Variants in NDFIP1 observed in about 807,000 individuals in gnomAD.
NDFIP1 encodes the protein Nedd4 family interacting protein 1.
In NDFIP1, 7 loss-of-function variants were observed where a neutral mutation model predicts 28.8. The ratio of observed to expected loss-of-function variants is 0.24; its 90% CI spans 0.14 to 0.46. The LOEUF is 0.46. Among genes scored for constraint, NDFIP1 ranks in the 20% least tolerant of loss-of-function variants. NDFIP1 has a pLI of 0.99. For missense variants in NDFIP1, 194 were observed against 269.1 expected (o/e 0.72, Z 1.95); for synonymous variants, 92 against 101.0 (o/e 0.91, Z 0.53).
At chr5:142,111,708 G>C (rs898640370) in intron 1 of NDFIP1, among the ~76,000 whole-genome samples, 4 of 152,126 alleles carry the variant, frequency 2.6e-5, no homozygotes, top group African/African-American at 9.7e-5. Flanking sequence ...TTGTCTTTAT[G>C]GTCTTTTTAT....
At position 142,117,728 on chromosome 5, in the gene NDFIP1, C is replaced by CTTTT. The variant is rs10699168; in HGVS notation, c.63+8706_63+8709dup. Among the ~76,000 whole-genome samples the CTTTT allele has an allele frequency of 3.2e-3, 368 of 116,048 alleles. 15 individuals are homozygous for CTTTT. Among genetic ancestry groups the CTTTT allele is most frequent in the African/African-American group, 8.0e-3 (236 of 29,668 alleles). 76.1% of individuals were successfully genotyped at this position (116,048 alleles called of 152,430 possible). A position where few individuals can be genotyped will look rare whatever the true frequency, so the allele number is the denominator to read the frequency against. On this transcript the variant is annotated intron_variant, in intron 1 of 7. Coordinates refer to ENST00000253814, the MANE Select transcript of NDFIP1 (RefSeq NM_030571.4). ...TCAAGTTTGGTGTGTGTTCTACAGG[C>CTTTT]TTTTTTTTTTTTTTTTTTGAGACAG...
intron 1 of NDFIP1, among the ~76,000 whole-genome samples, chr5:142,118,537 T>C (rs918591183): frequency 6.6e-6 from 1 of 152,190 alleles, no homozygotes; most frequent in Admixed American, 6.5e-5. Context: ...ATTGTTGACA[T>C]TGACCTTGAT....
chr5:142,132,257 C>T lies in NDFIP1; in HGVS notation c.197C>T (p.Ser66Phe), dbSNP rs772080983. Reference protein sequence around the residue: ...KDESGFPKPPSYNVATTLPSY... With the variant: ...KDESGFPKPPFYNVATTLPSY... ...GAGTCTGGGTTTCCAAAGCCCCCATCTTACAATGTAGCTACAACACTGCCC... is the reference window on the plus strand; with the variant it reads ...GAGTCTGGGTTTCCAAAGCCCCCATTTTACAATGTAGCTACAACACTGCCC... The change falls in exon 3 of 8, where the codon TCT (serine) becomes TTT (phenylalanine). Residue 66 changes from serine (S) to phenylalanine (F), a missense_variant. By Grantham distance (155) the Ser-to-Phe change is radical. Coordinates refer to ENST00000253814, the MANE Select transcript of NDFIP1 (RefSeq NM_030571.4). 6.2e-7 allele frequency: 1 copy of T among 1,614,132 alleles called. No individual in the cohort carries two copies. The highest frequency in any genetic ancestry group is 8.5e-7 in the Non-Finnish European group (1 of 1,180,012).
intron 3 of NDFIP1, among the ~76,000 whole-genome samples, chr5:142,133,798 C>T (rs780220807): frequency 2.0e-5 from 3 of 152,124 alleles, no homozygotes; most frequent in Non-Finnish European, 4.4e-5. Flanking sequence ...GGCAGTGTTC[C>T]TCATTGTTAT....
chr5:142,142,930 A>ATATATATAT (rs1449865563), intron 6 of NDFIP1: 3 of 75,344 alleles, frequency 4.0e-5, no homozygotes, highest in African/African-American at 1.2e-4. Flanking sequence ...AAAAAAAAAA[A>ATATATATAT]AAAAAAAAAA....
chr5:142,108,950 C>T lies in NDFIP1; in HGVS notation c.-25C>T, dbSNP rs1309050245. 3 of 1,431,904 alleles carry T rather than the reference C, an allele frequency of 2.1e-6. No individual in the cohort carries two copies. Among genetic ancestry groups the T allele is most frequent in the African/African-American group, 1.5e-5 (1 of 67,208 alleles). The allele number at this position is 1,431,904 out of a possible 1,614,324, so 88.7% of individuals were successfully genotyped here. A position where few individuals can be genotyped will look rare whatever the true frequency, so the allele number is the denominator to read the frequency against. ...CCTTCAGCTAGCTCGCTCGCTCGCTCTGCTTCCCTGCTGCCGGCTGCGCCA... is the reference window on the plus strand; with the variant it reads ...CCTTCAGCTAGCTCGCTCGCTCGCTTTGCTTCCCTGCTGCCGGCTGCGCCA... On this transcript the variant is annotated 5_prime_UTR_variant, in exon 1 of 8. Coordinates refer to ENST00000253814, the MANE Select transcript of NDFIP1 (RefSeq NM_030571.4).
intron 7 of NDFIP1, among the ~76,000 whole-genome samples, chr5:142,150,863 A>G (rs948839820): frequency 6.6e-6 from 1 of 152,232 alleles, no homozygotes; most frequent in African/African-American, 2.4e-5. Flanking sequence ...GAGTACCACA[A>G]AATAGTTTCT....
intron 1 of NDFIP1, among the ~76,000 whole-genome samples, chr5:142,114,530 C>T (rs1014357370): frequency 6.6e-6 from 1 of 152,146 alleles, no homozygotes; most frequent in Non-Finnish European, 1.5e-5. Flanking sequence ...TGTACCATCA[C>T]CCAGCTTCAG....
intron 1 of NDFIP1, among the ~76,000 whole-genome samples, chr5:142,123,377 T>G (rs893990698): frequency 6.6e-6 from 1 of 152,206 alleles, no homozygotes; most frequent in Non-Finnish European, 1.5e-5. Flanking sequence ...CAAGCAGTCC[T>G]TCCACCTCAG....
chr5:142,124,907 G>A (rs1403755767), intron 1 of NDFIP1, among the ~76,000 whole-genome samples: 1 of 151,804 alleles, frequency 6.6e-6, no homozygotes, highest in Non-Finnish European at 1.5e-5. Context: ...CTCACTGCAA[G>A]CTCCACCTCC....
At chr5:142,139,437 G>A (rs906198413) in intron 5 of NDFIP1, among the ~76,000 whole-genome samples, 1 of 151,952 alleles carries the variant, frequency 6.6e-6, no homozygotes, top group Non-Finnish European at 1.5e-5. Context: ...CAGCATATTG[G>A]CACAGGTCCC....
At chr5:142,144,190 T>C (rs1046899019) in intron 6 of NDFIP1, 1 of 130,410 alleles carries the variant, frequency 7.7e-6, no homozygotes, top group African/African-American at 2.6e-5. Flanking sequence ...TTATAACCTC[T>C]TTTTGTTGTT....
At chr5:142,142,817 A>G (rs1429895163) in intron 6 of NDFIP1, among the ~76,000 whole-genome samples, 1 of 149,410 alleles carries the variant, frequency 6.7e-6, no homozygotes, top group Non-Finnish European at 1.5e-5. Flanking sequence ...GATCCCAGCT[A>G]CTTGGGAGGA....
At chr5:142,129,780 C>T (rs1757207107) in intron 1 of NDFIP1, among the ~76,000 whole-genome samples, 1 of 151,930 alleles carries the variant, frequency 6.6e-6, no homozygotes, top group African/African-American at 2.4e-5. Context: ...GGTCTGGTGG[C>T]ATACGCCTGT....
At chr5:142,150,976 T>G (rs995945127) in intron 7 of NDFIP1, among the ~76,000 whole-genome samples, 5 of 152,228 alleles carry the variant, frequency 3.3e-5, no homozygotes, top group Non-Finnish European at 5.9e-5. Flanking sequence ...CTTGTAGTTT[T>G]TCCCAAGTTA....
intron 1 of NDFIP1, among the ~76,000 whole-genome samples, chr5:142,111,474 G>C (rs1019550851): frequency 6.6e-6 from 1 of 151,824 alleles, no homozygotes; most frequent in Non-Finnish European, 1.5e-5. Context: ...TAAATTACTA[G>C]CCATGGAAAT....
At chr5:142,115,049 T>G (rs1757051271) in intron 1 of NDFIP1, among the ~76,000 whole-genome samples, 1 of 152,210 alleles carries the variant, frequency 6.6e-6, no homozygotes. Flanking sequence ...TAACTTCAAA[T>G]TGTTTTATCC....
At chr5:142,123,247 G>C (rs1358370878) in intron 1 of NDFIP1, among the ~76,000 whole-genome samples, 1 of 151,912 alleles carries the variant, frequency 6.6e-6, no homozygotes, top group African/African-American at 2.4e-5. Context: ...ACAGGCATGA[G>C]CCACTGTGCC....
intron 5 of NDFIP1, 72 bp from the exon 6 acceptor site, chr5:142,140,491 T>G: frequency 7.9e-7 from 1 of 1,271,958 alleles, no homozygotes; most frequent in South Asian, 1.3e-5. Flanking sequence ...TTTGTGATTT[T>G]GTGTACCCTT....
Sources: allele counts gnomAD v4.1 joint callset (sites outside exome capture counted in the v4.1 genomes callset), GRCh38; gene constraint gnomAD v4.1.1; transcripts MANE v1.5; gene names NCBI Gene and HGNC (gene_info 2026-07-23, HGNC 2026-07-21).